The following RERE variants were observed in gnomAD, a reference collection of about 807,000 sequenced individuals.
The protein encoded by RERE is arginine-glutamic acid dipeptide repeats.
Under a neutral mutation model 146.1 loss-of-function variants are expected in RERE, and 40 were observed. The observed-to-expected ratio is 0.27, with a 90% CI of 0.21 to 0.36. The LOEUF (loss-of-function observed/expected upper bound fraction) is 0.36. RERE is among the 10% of genes least tolerant of loss of function. RERE has a pLI of 1.00. For synonymous variants in RERE, 1,003 were observed against 866.0 expected, an observed-to-expected ratio of 1.16 and a Z score of -2.78; for missense variants, 1,933 against 2,138.7, an observed-to-expected ratio of 0.90 and a Z score of 1.90.
At chr1:8,638,483 T>C (rs1275613654) in intron 2 of RERE, among the ~76,000 whole-genome samples, 1 of 152,088 alleles carries the variant, frequency 6.6e-6, no homozygotes, top group Non-Finnish European at 1.5e-5. Context: ...GTTGGCCATA[T>C]ACCCCAGGTT....
intron 12 of RERE, among the ~76,000 whole-genome samples, chr1:8,412,918 G>T (rs1375695485): frequency 6.6e-6 from 1 of 152,208 alleles, no homozygotes; most frequent in East Asian, 1.9e-4. Context: ...GGTGGTGCCA[G>T]ATCTCCGAAG....
chr1:8,368,152 T>A (rs1334654615), intron 12 of RERE, among the ~76,000 whole-genome samples: 3 of 152,076 alleles, frequency 2.0e-5, no homozygotes, highest in African/African-American at 7.2e-5. Flanking sequence ...GTCCAAGTCA[T>A]TTTAGGGGCT....
chr1:8,650,151 A>G (rs1423055019), intron 2 of RERE, among the ~76,000 whole-genome samples: 6 of 152,340 alleles, frequency 3.9e-5, no homozygotes, highest in Admixed American at 2.6e-4. Context: ...AGCAAAGGTG[A>G]AAAAGACCTG....
intron 1 of RERE, among the ~76,000 whole-genome samples, chr1:8,785,185 T>C (rs767460327): frequency 6.6e-6 from 1 of 152,210 alleles, no homozygotes; most frequent in Non-Finnish European, 1.5e-5. Flanking sequence ...GTCATTTACA[T>C]GCCCCCTCAG....
chr1:8,744,002 T>C (rs1640368989), intron 1 of RERE, among the ~76,000 whole-genome samples: 1 of 152,224 alleles, frequency 6.6e-6, no homozygotes, highest in Non-Finnish European at 1.5e-5. Flanking sequence ...CACTTAGAAC[T>C]GTGTGTTGAA....
intron 1 of RERE, among the ~76,000 whole-genome samples, chr1:8,785,820 C>T (rs1641249954): frequency 1.3e-5 from 2 of 152,128 alleles, no homozygotes; most frequent in African/African-American, 2.4e-5. Flanking sequence ...TGGGGTTTCA[C>T]CATGTTAGCC....
At chr1:8,638,069 A>G (rs1256145890) in intron 2 of RERE, among the ~76,000 whole-genome samples, 2 of 152,266 alleles carry the variant, frequency 1.3e-5, no homozygotes, top group African/African-American at 4.8e-5. Context: ...GGATGACTTT[A>G]GCATTCTATA....
chr1:8,693,665 G>A (rs1639258175), intron 1 of RERE, among the ~76,000 whole-genome samples: 1 of 152,064 alleles, frequency 6.6e-6, no homozygotes, highest in African/African-American at 2.4e-5. Flanking sequence ...ATATTGTAAT[G>A]GTAGATGCAT....
At chr1:8,706,286 A>G (rs1639560624) in intron 1 of RERE, among the ~76,000 whole-genome samples, 2 of 152,108 alleles carry the variant, frequency 1.3e-5, no homozygotes, top group Non-Finnish European at 2.9e-5. Flanking sequence ...AGTCTCTAAA[A>G]AAAAATTTAG....
chr1:8,497,585 T>A, intron 8 of RERE, 56 bp from the exon 9 acceptor site: 1 of 1,590,268 alleles, frequency 6.3e-7, no homozygotes, highest in Non-Finnish European at 8.6e-7. Flanking sequence ...TATAAAGAGC[T>A]ATCTCAATAA....
At chr1:8,462,097 T>G (rs1039173690) in intron 11 of RERE, among the ~76,000 whole-genome samples, 3 of 152,212 alleles carry the variant, frequency 2.0e-5, no homozygotes, top group Non-Finnish European at 4.4e-5. Context: ...GGTTGGTTTC[T>G]GAGGCATGTA....
chr1:8,728,573 T>A (rs1287186391), intron 1 of RERE, among the ~76,000 whole-genome samples: 1 of 152,146 alleles, frequency 6.6e-6, no homozygotes, highest in Non-Finnish European at 1.5e-5. Context: ...TACCCACAGT[T>A]ATTTGAGATC....
chr1:8,665,020 C>T (rs935010568), intron 1 of RERE, among the ~76,000 whole-genome samples: 13 of 152,054 alleles, frequency 8.5e-5, no homozygotes, highest in African/African-American at 2.9e-4. Flanking sequence ...TTTTTCGCTT[C>T]ATCTCTCAGC....
At chr1:8,411,418 T>C (rs1321428730) in intron 12 of RERE, among the ~76,000 whole-genome samples, 1 of 151,712 alleles carries the variant, frequency 6.6e-6, no homozygotes, top group Non-Finnish European at 1.5e-5. Context: ...GGAACTATAG[T>C]AGGAGTATCT....
At chr1:8,686,971 G>A (rs1291915669) in intron 1 of RERE, among the ~76,000 whole-genome samples, 1 of 152,168 alleles carries the variant, frequency 6.6e-6, no homozygotes, top group Non-Finnish European at 1.5e-5. Flanking sequence ...CAGTTTCCCT[G>A]GAGCAACAAC....
rs141616793 is a variant in RERE at position 8,559,095 on chromosome 1, G to A, written c.523-1572C>T. On this transcript the variant is annotated intron_variant, in intron 4 of 22. Transcript: ENST00000400908. ...GATTTCAAGCATGAGCCACCACGCC[G>A]GCCGAAAATGTGCTGTTTTAAAGTA... Among the ~76,000 whole-genome samples, 754 of 150,186 alleles carry A rather than the reference G, an allele frequency of 5.0e-3. 5 individuals are homozygous for A. The highest frequency in any genetic ancestry group is 0.027 in the East Asian group (138 of 5,106).
At position 8,358,590 on chromosome 1, in the gene RERE, T is replaced by C. The variant is rs1058766; in HGVS notation, c.3945A>G (p.Arg1315=). Reference sequence around the variant, plus strand: ...TCATCCTCTCCCGCAGCTCCCGCTCTCGGATCTCCCGCTCTCGGATCTCCC... The same window carrying C: ...TCATCCTCTCCCGCAGCTCCCGCTCCCGGATCTCCCGCTCTCGGATCTCCC... ...REREIREREI[R]ERELRERMKP... The change falls in exon 20 of 23, where the codon CGA becomes CGG. Residue 1315 remains arginine (R), a synonymous_variant. Transcript: ENST00000400908. 1,102,260 of 1,599,668 alleles carry C rather than the reference T, an allele frequency of 0.69. 383,661 individuals carry two copies. The highest frequency in any genetic ancestry group is 0.88 in the East Asian group (39,360 of 44,704).
chr1:8,726,147 C>CTTTTCTTTTTTTTTTTTTT lies in RERE; in HGVS notation c.-144-69707_-144-69706insAAAAAAAAAAAAAAGAAAA, dbSNP rs1639960710. Among the ~76,000 whole-genome samples, 17 of 69,408 alleles carry CTTTTCTTTTTTTTTTTTTT rather than the reference C, an allele frequency of 2.4e-4. 2 individuals carry two copies. The highest frequency in any genetic ancestry group is 1.0e-3 in the African/African-American group (16 of 15,326). The allele number at this position is 69,408 out of a possible 152,430, so 45.5% of individuals were successfully genotyped here. A position where few individuals can be genotyped will look rare whatever the true frequency, so the allele number is the denominator to read the frequency against. On this transcript the variant is annotated intron_variant, in intron 1 of 22. Coordinates refer to ENST00000400908, the MANE Select transcript of RERE (RefSeq NM_001042681.2). The stretch of plus-strand genomic sequence containing the variant: ...AATTCCAGTTTTCCTTTTTTCTTTT[C>CTTTTCTTTTTTTTTTTTTT]TTTTTTTTTTTTTTTTTTTTTTTTT...
chr1:8,507,692 A>C (rs1645273336), intron 8 of RERE, among the ~76,000 whole-genome samples: 1 of 147,616 alleles, frequency 6.8e-6, no homozygotes, highest in Non-Finnish European at 1.5e-5. Context: ...TATAGGCGAG[A>C]GCCACCACGC....
Sources: gnomAD v4.1 joint callset for allele counts (sites outside exome capture counted in the v4.1 genomes callset) on GRCh38, gnomAD v4.1.1 for gene constraint, MANE v1.5 for transcripts, NCBI Gene and HGNC (gene_info 2026-07-23, HGNC 2026-07-21) for gene names.